The following TLE4 variants were observed in gnomAD, a reference collection of about 807,000 sequenced individuals.
The protein encoded by TLE4 is transducin-like enhancer protein 4.
TLE4 carries 8 observed loss-of-function variants against 92.8 expected under a neutral mutation model. That is an observed-to-expected ratio of 0.09 (90% CI 0.05 to 0.16). TLE4 has a LOEUF of 0.16. Among genes scored for constraint, TLE4 ranks in the 10% least tolerant of loss-of-function variants. TLE4 has a pLI of 1.00. For synonymous variants in TLE4, 371 were observed against 374.1 expected (o/e 0.99, Z 0.10); for missense variants, 675 against 997.6 (o/e 0.68, Z 4.36).
rs1041428617 is a variant in TLE4 at position 79,572,380 on chromosome 9, A to G, written c.-411A>G. ...AACAACCAATTAAAAGACAAATAAA[A>G]AAAGTTTGGAGTGGGACGCAGAGCG... is the stretch of plus-strand genomic sequence containing the variant. On this transcript the variant is annotated 5_prime_UTR_variant, in exon 1 of 20. Coordinates refer to ENST00000376552, the MANE Select transcript of TLE4 (RefSeq NM_007005.6). The G allele has an allele frequency of 6.6e-6, 1 of 152,112 alleles. No homozygotes were observed. Among genetic ancestry groups the G allele is most frequent in the African/African-American group, 2.4e-5 (1 of 41,438 alleles). 9.4% of individuals were successfully genotyped at this position (152,112 alleles called of 1,614,324 possible).
At chr9:79,628,257 CCT>C (rs2053194318) in intron 6 of TLE4, among the ~76,000 whole-genome samples, 1 of 152,098 alleles carries the variant, frequency 6.6e-6, no homozygotes, top group African/African-American at 2.4e-5. Context: ...ACTGCACTTT[CCT>C]CTTTCTGTCC....
intron 4 of TLE4, among the ~76,000 whole-genome samples, chr9:79,596,712 C>T (rs2044123893): frequency 6.6e-6 from 1 of 152,174 alleles, no homozygotes; most frequent in Non-Finnish European, 1.5e-5. Context: ...TCAGTTCTGT[C>T]TTAAAACAGA....
intron 8 of TLE4, among the ~76,000 whole-genome samples, chr9:79,703,201 T>C (rs1318367626): frequency 6.6e-6 from 1 of 152,196 alleles, no homozygotes. Flanking sequence ...ATAACTTTTT[T>C]TCCATAGAGA....
chr9:79,691,380 C>T (rs749819338), intron 8 of TLE4, among the ~76,000 whole-genome samples: 1 of 152,182 alleles, frequency 6.6e-6, no homozygotes, highest in Non-Finnish European at 1.5e-5. Context: ...TTTTTAATTG[C>T]AAAGGATGGA....
At chr9:79,708,828 G>T (rs370283812) in intron 13 of TLE4, 42 bp downstream of exon 13, 85 of 1,558,376 alleles carry the variant, frequency 5.5e-5, no homozygotes, top group Non-Finnish European at 1.6e-5. Context: ...AGCACACGGA[G>T]GATTGTCATG....
At position 79,629,941 on chromosome 9, in the gene TLE4, A is replaced by G. The variant is rs541446525; in HGVS notation, c.390+2493A>G. Among the ~76,000 whole-genome samples the G allele has an allele frequency of 8.5e-5, 13 of 152,270 alleles. No homozygotes were observed. In the South Asian group the frequency reaches 2.5e-3, roughly 29 times the overall value. On this transcript the variant is annotated intron_variant, in intron 6 of 19. Coordinates refer to ENST00000376552, the MANE Select transcript of TLE4 (RefSeq NM_007005.6). ...GTAGATGGCTGGCTGAGTTGGTGGT[A>G]TTTTGACACGCTACCAAAAACAACT...
chr9:79,708,114 T>C lies in TLE4; in HGVS notation c.937-4T>C, dbSNP rs771133088. On this transcript the variant is annotated splice_region_variant and splice_polypyrimidine_tract_variant and intron_variant, in intron 11 of 19. Coordinates refer to ENST00000376552, the MANE Select transcript of TLE4 (RefSeq NM_007005.6). ...TGCTGGTATATGTCATTTCATCTTGTTAGAATGAAAAATCTACTACTCCCG... is the reference window on the plus strand; with the variant it reads ...TGCTGGTATATGTCATTTCATCTTGCTAGAATGAAAAATCTACTACTCCCG... 2 of 1,613,806 alleles carry C rather than the reference T, an allele frequency of 1.2e-6. No individual in the cohort carries two copies. The highest frequency in any genetic ancestry group is 2.2e-5 in the South Asian group (2 of 91,066).
At chr9:79,606,184 GTTGTTTTTTTTTTTTT>G (rs1463937226) in intron 4 of TLE4, among the ~76,000 whole-genome samples, 5 of 18,410 alleles carry the variant, frequency 2.7e-4, no homozygotes, top group African/African-American at 7.8e-4. Context: ...AGCAGTAGTA[GTTGTTTTTTTTTTTTT>G]TTTTTTTTTT....
rs118126329 is a variant in TLE4, at chr9:79,689,616, A to G, written c.610-15167A>G. Among the ~76,000 whole-genome samples the G allele has an allele frequency of 2.6e-4, 40 of 152,312 alleles. No individual in the cohort carries two copies. In the East Asian group the frequency reaches 6.4e-3, roughly 24 times the overall value. ...TCTTGCCTCATCTTATGACATGGTT[A>G]TGATTGCGTTTTTTCTCTCTCCCAA... On this transcript the variant is annotated intron_variant, in intron 8 of 19. Transcript: ENST00000376552.
At chr9:79,721,387 A>T (rs899042546) in intron 16 of TLE4, among the ~76,000 whole-genome samples, 30 of 152,148 alleles carry the variant, frequency 2.0e-4, no homozygotes, top group Non-Finnish European at 3.1e-4. Flanking sequence ...TCTCCCTCAT[A>T]CCACAGTAAT....
At chr9:79,575,933 G>A (rs1008997753) in intron 3 of TLE4, 200 bp from the exon 4 acceptor site, 10 of 389,126 alleles carry the variant, frequency 2.6e-5, no homozygotes, top group Non-Finnish European at 3.2e-5. Flanking sequence ...TCTTAGTTTT[G>A]TGTGTTTTCT....
intron 6 of TLE4, chr9:79,649,394 G>T (rs2058591705): frequency 5.9e-6 from 1 of 170,686 alleles, no homozygotes; most frequent in African/African-American, 2.4e-5. Flanking sequence ...ACTGTGTAGG[G>T]GGCAGTGGAG....
intron 5 of TLE4, among the ~76,000 whole-genome samples, chr9:79,621,938 C>A (rs2051118221): frequency 1.3e-5 from 2 of 152,226 alleles, no homozygotes; most frequent in South Asian, 4.1e-4. Context: ...TTGCAGCCCT[C>A]TAACTGTTTA....
chr9:79,660,007 A>G (rs115840313), intron 8 of TLE4, among the ~76,000 whole-genome samples: 321 of 152,298 alleles, frequency 2.1e-3, no homozygotes, highest in African/African-American at 7.2e-3. Context: ...TTCATCACCA[A>G]TGTATACAGA....
At chr9:79,648,497 G>A (rs1399177477) in intron 6 of TLE4, among the ~76,000 whole-genome samples, 1 of 152,152 alleles carries the variant, frequency 6.6e-6, no homozygotes, top group Non-Finnish European at 1.5e-5. Context: ...TGAGATAGGT[G>A]AGTACAACTT....
chr9:79,624,807 A>G (rs1337765297), intron 5 of TLE4, among the ~76,000 whole-genome samples: 1 of 152,212 alleles, frequency 6.6e-6, no homozygotes, highest in East Asian at 1.9e-4. Flanking sequence ...TGTATTTTCC[A>G]TATCTCCGTC....
chr9:79,656,013 G>GA (rs2059727272), intron 8 of TLE4, among the ~76,000 whole-genome samples: 1 of 152,164 alleles, frequency 6.6e-6, no homozygotes, highest in Non-Finnish European at 1.5e-5. Flanking sequence ...AGAAGCCAGG[G>GA]AAAAACAAGA....
chr9:79,576,083 A>T, intron 3 of TLE4, 50 bp from the exon 4 acceptor site: 1 of 1,330,134 alleles, frequency 7.5e-7, no homozygotes, highest in South Asian at 1.8e-5. Flanking sequence ...CAAACTAGGG[A>T]GATTGTTTGA....
At chr9:79,644,398 C>T (rs763378079) in intron 6 of TLE4, among the ~76,000 whole-genome samples, 12 of 152,176 alleles carry the variant, frequency 7.9e-5, no homozygotes, top group Admixed American at 1.3e-4. Context: ...CGGACTAATA[C>T]GCTGTGCTAA....
Sources: gnomAD v4.1 joint callset for allele counts (sites outside exome capture counted in the v4.1 genomes callset) on GRCh38, gnomAD v4.1.1 for gene constraint, MANE v1.5 for transcripts, NCBI Gene and HGNC (gene_info 2026-07-23, HGNC 2026-07-21) for gene names.